TYW1B: variants seen among roughly 807,000 people sequenced by gnomAD.
TYW1B encodes the protein S-adenosyl-L-methionine-dependent tRNA 4-demethylwyosine synthase TYW1B.
A neutral mutation model predicts 86.9 loss-of-function variants in TYW1B; 73 were observed. The observed-to-expected ratio is 0.84, with a 90% CI of 0.70 to 1.02. The LOEUF (loss-of-function observed/expected upper bound fraction) is 1.02. Among genes scored for constraint, TYW1B ranks in the 50% least tolerant of loss-of-function variants. The pLI is 0.00. For missense variants in TYW1B, 637 were observed against 827.4 expected, an observed-to-expected ratio of 0.77 and a Z score of 2.82; for synonymous variants, 248 against 292.8, an observed-to-expected ratio of 0.85 and a Z score of 1.56.
chr7:72,736,236 G>A (rs1787194902), intron 8 of TYW1B, among the ~76,000 whole-genome samples: 1 of 152,128 alleles, frequency 6.6e-6, no homozygotes, highest in Non-Finnish European at 1.5e-5. Flanking sequence ...CAAAGGCAGA[G>A]AACAAAGGAA....
At chr7:72,591,972 C>T (rs1212380219) in intron 13 of TYW1B, among the ~76,000 whole-genome samples, 7 of 151,634 alleles carry the variant, frequency 4.6e-5, no homozygotes, top group East Asian at 1.9e-4. Context: ...TACAGGCGCC[C>T]GCCACAATGC....
At chr7:72,731,052 A>G (rs1269893596) in intron 8 of TYW1B, among the ~76,000 whole-genome samples, 1 of 150,966 alleles carries the variant, frequency 6.6e-6, no homozygotes, top group African/African-American at 2.4e-5. Context: ...AAACCTCCAT[A>G]AGAATAACAG....
intron 4 of TYW1B, among the ~76,000 whole-genome samples, chr7:72,809,264 C>T (rs1273267854): frequency 6.6e-6 from 1 of 151,822 alleles, no homozygotes; most frequent in Non-Finnish European, 1.5e-5. Context: ...ACGATGATCT[C>T]GATCTCCTGA....
At chr7:72,808,450 T>A (rs1788536589) in intron 4 of TYW1B, among the ~76,000 whole-genome samples, 1 of 151,352 alleles carries the variant, frequency 6.6e-6, no homozygotes, top group Admixed American at 6.6e-5. Flanking sequence ...AAAAAACACA[T>A]AATCAAAAAT....
intron 11 of TYW1B, among the ~76,000 whole-genome samples, chr7:72,632,397 TATAATATATATATACA>T (rs1812541073): frequency 3.9e-5 from 4 of 103,120 alleles, no homozygotes; most frequent in African/African-American, 1.6e-4. Context: ...CGTATATATA[TATAATATATATATACA>T]TATATATATA....
chr7:72,727,839 A>AGAC (rs1787030524), intron 9 of TYW1B, among the ~76,000 whole-genome samples: 1 of 150,320 alleles, frequency 6.7e-6, no homozygotes, highest in African/African-American at 2.4e-5. Context: ...AAAAAGAAGA[A>AGAC]AGACAAAAAA....
At chr7:72,662,357 G>A (rs74503047) in intron 11 of TYW1B, among the ~76,000 whole-genome samples, 8,998 of 148,538 alleles carry the variant, frequency 0.061, 562 homozygotes, top group East Asian at 0.33. Context: ...CCCACATCTC[G>A]TGATGTGGTT....
chr7:72,579,885 A>T (rs1486363461), intron 13 of TYW1B, among the ~76,000 whole-genome samples: 13 of 152,080 alleles, frequency 8.5e-5, no homozygotes, highest in African/African-American at 2.4e-4. Context: ...TCCTGGCCTC[A>T]AGTGATCCTC....
intron 11 of TYW1B, among the ~76,000 whole-genome samples, chr7:72,658,253 TAAA>T (rs782693151): frequency 2.6e-5 from 2 of 77,070 alleles, no homozygotes. Context: ...TCCGTCTCAA[TAAA>T]AAAAAAAAAA....
At chr7:72,780,811 T>C (rs1369742165) in intron 6 of TYW1B, among the ~76,000 whole-genome samples, 5 of 152,116 alleles carry the variant, frequency 3.3e-5, no homozygotes, top group African/African-American at 1.2e-4. Flanking sequence ...TGAAAAGAAA[T>C]GTAATGGTTT....
intron 7 of TYW1B, among the ~76,000 whole-genome samples, chr7:72,757,558 C>G (rs558608847): frequency 2.0e-5 from 3 of 151,944 alleles, no homozygotes; most frequent in African/African-American, 7.3e-5. Flanking sequence ...TTGGAGAGAC[C>G]AGAAATAGGC....
chr7:72,751,208 T>C (rs1787494949), intron 7 of TYW1B, among the ~76,000 whole-genome samples: 1 of 152,152 alleles, frequency 6.6e-6, no homozygotes, highest in African/African-American at 2.4e-5. Flanking sequence ...CAGCTGATTT[T>C]TGTATTTTTA....
At chr7:72,758,568 T>C (rs782351880) in intron 7 of TYW1B, among the ~76,000 whole-genome samples, 1 of 152,154 alleles carries the variant, frequency 6.6e-6, no homozygotes, top group Non-Finnish European at 1.5e-5. Context: ...TTGGCACCAC[T>C]GCAGTACTCA....
intron 10 of TYW1B, among the ~76,000 whole-genome samples, chr7:72,697,295 T>C (rs1204389258): frequency 1.3e-5 from 2 of 151,974 alleles, no homozygotes; most frequent in African/African-American, 4.8e-5. Context: ...TAGCCTATAC[T>C]AGATGTCTGA....
chr7:72,704,124 C>T lies in TYW1B; in HGVS notation c.1371-9302G>A, dbSNP rs185706424. On this transcript the variant is annotated intron_variant, in intron 10 of 13. Coordinates refer to ENST00000620995, the MANE Select transcript of TYW1B (RefSeq NM_001145440.3). ...GATTTTATGTTTCTGGTGGGCTTAA[C>T]GTTTTATTATTAAGAAATGTCCATC... 6.6e-3 allele frequency among the ~76,000 whole-genome samples: 999 copies of T among 151,914 alleles called. 8 individuals carry two copies. The highest frequency in any genetic ancestry group is 9.7e-3 in the Non-Finnish European group (660 of 67,930).
chr7:72,748,855 T>C (rs1585952426), intron 7 of TYW1B, among the ~76,000 whole-genome samples: 1 of 152,144 alleles, frequency 6.6e-6, no homozygotes, highest in Admixed American at 6.6e-5. Context: ...TGAGGATTTC[T>C]ACATCTAAAT....
At chr7:72,669,931 CAAAATAAATAAA>C (rs1813554869) in intron 11 of TYW1B, among the ~76,000 whole-genome samples, 1 of 136,294 alleles carries the variant, frequency 7.3e-6, no homozygotes, top group Non-Finnish European at 1.6e-5. Context: ...CCCATTTCTA[CAAAATAAATAAA>C]TAAATAAATA....
intron 7 of TYW1B, among the ~76,000 whole-genome samples, chr7:72,760,579 T>C (rs1229861422): frequency 6.6e-6 from 1 of 152,228 alleles, no homozygotes; most frequent in African/African-American, 2.4e-5. Context: ...TTGGCATAGT[T>C]AGTTGGCAAG....
intron 11 of TYW1B, among the ~76,000 whole-genome samples, chr7:72,688,385 C>A (rs535165607): frequency 7.2e-5 from 11 of 152,328 alleles, no homozygotes; most frequent in Non-Finnish European, 1.5e-4. Context: ...TCCCTCCATA[C>A]AATGGCTTCC....
Sources: gnomAD v4.1 joint callset for allele counts (sites outside exome capture counted in the v4.1 genomes callset) on GRCh38, gnomAD v4.1.1 for gene constraint, MANE v1.5 for transcripts, NCBI Gene and HGNC (gene_info 2026-07-23, HGNC 2026-07-21) for gene names.